GSE1: variants seen among roughly 807,000 people sequenced by gnomAD.
GSE1 encodes Gse1 coiled-coil protein.
GSE1 carries 32 observed loss-of-function variants against 112.6 expected under a neutral mutation model. The ratio of observed to expected loss-of-function variants is 0.28; its 90% confidence interval spans 0.21 to 0.38. The LOEUF (loss-of-function observed/expected upper bound fraction) is 0.38, where lower values mean the gene tolerates loss of function less well. Among genes scored for constraint, GSE1 ranks in the 10% least tolerant of loss-of-function variants. GSE1 has a pLI of 1.00. For missense variants in GSE1, 2,348 were observed against 1,699.2 expected (o/e 1.38, Z -6.71); for synonymous variants, 1,115 against 735.6 (o/e 1.52, Z -8.35).
chr16:85,644,160 T>G (rs1049156024), intron 2 of GSE1, among the ~76,000 whole-genome samples: 19 of 151,764 alleles, frequency 1.3e-4, no homozygotes, highest in African/African-American at 4.4e-4. Flanking sequence ...AGACCCTGTC[T>G]CTACCAAAAA....
chr16:85,385,779 C>G (rs924378474), intron 2 of GSE1, among the ~76,000 whole-genome samples: 1 of 152,236 alleles, frequency 6.6e-6, no homozygotes, highest in South Asian at 2.1e-4. Flanking sequence ...AGATCACTCC[C>G]TGGTGGAGAC....
At chr16:85,651,726 C>T (rs1349604633) in intron 3 of GSE1, among the ~76,000 whole-genome samples, 4 of 152,230 alleles carry the variant, frequency 2.6e-5, no homozygotes, top group African/African-American at 9.6e-5. Flanking sequence ...ATGATTGAAG[C>T]CCCTGGCTGT....
At position 85,382,926 on chromosome 16, in the gene GSE1, A is replaced by G. The variant is rs376613240; in HGVS notation, c.2464+25283A>G. Among the ~76,000 whole-genome samples the G allele has an allele frequency of 9.5e-3, 1,440 of 151,626 alleles. 21 individuals are homozygous for G. The highest frequency in any genetic ancestry group is 0.011 in the Non-Finnish European group (731 of 67,824). ...CACTTGTGCACACATACATGCACACACGCGCACACAACACGTACACATGCA... is the reference window on the plus strand; with the variant it reads ...CACTTGTGCACACATACATGCACACGCGCGCACACAACACGTACACATGCA... On this transcript the variant is annotated intron_variant, in intron 2 of 2. Transcript: ENST00000637419.
chr16:85,359,287 G>A (rs889090113), intron 2 of GSE1: 3 of 427,636 alleles, frequency 7.0e-6, no homozygotes, highest in Non-Finnish European at 1.4e-5. Flanking sequence ...ACGGGTCAGT[G>A]GAGGGCTCCG....
At chr16:85,555,954 C>G (rs1055537343), upstream of GSE1, 11 of 984,688 alleles carry the variant, frequency 1.1e-5, no homozygotes, top group South Asian at 4.7e-4. Flanking sequence ...GCTCCCCCCT[C>G]CTTTTTTTTA....
intron 1 of GSE1, among the ~76,000 whole-genome samples, chr16:85,219,777 A>G (rs2075361524): frequency 6.6e-6 from 1 of 152,134 alleles, no homozygotes; most frequent in East Asian, 1.9e-4. Context: ...CAGCCCCATG[A>G]CTATGGGACC....
At chr16:85,437,744 C>T (rs2049284042) in intron 2 of GSE1, among the ~76,000 whole-genome samples, 1 of 152,156 alleles carries the variant, frequency 6.6e-6, no homozygotes, top group South Asian at 2.1e-4. Context: ...TCTAGGAATC[C>T]ACAGATCAGG....
chr16:85,249,715 G>C (rs924387071), intron 1 of GSE1, among the ~76,000 whole-genome samples: 4 of 152,194 alleles, frequency 2.6e-5, no homozygotes, highest in African/African-American at 9.7e-5. Flanking sequence ...CAGGACATTT[G>C]GGAAGGGGGT....
At chr16:85,435,448 C>G (rs2049224185) in intron 2 of GSE1, among the ~76,000 whole-genome samples, 1 of 152,208 alleles carries the variant, frequency 6.6e-6, no homozygotes, top group African/African-American at 2.4e-5. Flanking sequence ...TCTCCCTCGA[C>G]TGCAGCGGAA....
intron 2 of GSE1, among the ~76,000 whole-genome samples, chr16:85,634,699 C>G (rs1211857264): frequency 6.6e-6 from 1 of 152,206 alleles, no homozygotes; most frequent in African/African-American, 2.4e-5. Flanking sequence ...CTGGTATCAC[C>G]TGGGCAGGAC....
chr16:85,382,919 TGCACACAC>T (rs759410552), intron 2 of GSE1, among the ~76,000 whole-genome samples: 4 of 149,050 alleles, frequency 2.7e-5, no homozygotes, highest in Non-Finnish European at 4.5e-5. Flanking sequence ...CACACATACA[TGCACACAC>T]GCGCACACAA....
intron 2 of GSE1, among the ~76,000 whole-genome samples, chr16:85,436,731 C>T (rs903263758): frequency 2.5e-4 from 38 of 152,348 alleles, no homozygotes; most frequent in African/African-American, 8.4e-4. Context: ...GCCCGAGGGG[C>T]GGGCCAGCTG....
intron 2 of GSE1, among the ~76,000 whole-genome samples, chr16:85,385,069 G>C (rs371772387): frequency 1.3e-5 from 2 of 152,232 alleles, no homozygotes; most frequent in African/African-American, 4.8e-5. Flanking sequence ...CACCTGCCCC[G>C]GGCCCTGTTG....
chr16:85,179,432 T>C lies in GSE1; in HGVS notation c.2283+7625T>C, dbSNP rs115457661. ...TGGACATCGGCTTGTTTCTGCTTTT[T>C]GGCTCCTCTGAATCATGCCACTGTG... On this transcript the variant is annotated intron_variant, in intron 1 of 2. Coordinates refer to the GSE1 transcript ENST00000637419. Among the ~76,000 whole-genome samples, 1,283 of 152,324 alleles carry C rather than the reference T, an allele frequency of 8.4e-3. 19 individuals are homozygous for C. The highest frequency in any genetic ancestry group is 0.028 in the African/African-American group (1,179 of 41,558).
At chr16:85,468,847 G>A (rs750249299) in intron 2 of GSE1, among the ~76,000 whole-genome samples, 3 of 152,146 alleles carry the variant, frequency 2.0e-5, no homozygotes, top group African/African-American at 7.2e-5. Flanking sequence ...GGTTGAATAG[G>A]GCCACCCCCA....
At chr16:85,263,614 C>T (rs1597226320) in intron 1 of GSE1, among the ~76,000 whole-genome samples, 1 of 151,768 alleles carries the variant, frequency 6.6e-6, no homozygotes, top group African/African-American at 2.4e-5. Context: ...AGTTTGTCGC[C>T]CAGGCTGGAG....
intron 1 of GSE1, among the ~76,000 whole-genome samples, chr16:85,564,296 G>C (rs1328829461): frequency 2.0e-5 from 3 of 152,156 alleles, no homozygotes; most frequent in Non-Finnish European, 4.4e-5. Flanking sequence ...CAGAAATAGG[G>C]AAACTGCTCT....
chr16:85,204,383 T>C (rs1226979871), intron 1 of GSE1, among the ~76,000 whole-genome samples: 1 of 152,244 alleles, frequency 6.6e-6, no homozygotes, highest in East Asian at 1.9e-4. Context: ...TTTCCACCTT[T>C]TGGCTAGTGT....
chr16:85,643,256 G>A (rs1280909687), intron 2 of GSE1, among the ~76,000 whole-genome samples: 2 of 152,164 alleles, frequency 1.3e-5, no homozygotes, highest in African/African-American at 4.8e-5. Context: ...GCTGAATACC[G>A]CCAGTTAATT....
Sources: gnomAD v4.1 joint callset for allele counts (sites outside exome capture counted in the v4.1 genomes callset) on GRCh38, gnomAD v4.1.1 for gene constraint, MANE v1.5 for transcripts, NCBI Gene and HGNC (gene_info 2026-07-23, HGNC 2026-07-21) for gene names.